The following CFAP57 variants were observed in gnomAD, a reference collection of about 807,000 sequenced individuals.
The protein encoded by CFAP57 is cilia and flagella associated protein 57, also known as cilia- and flagella-associated protein 57.
In CFAP57, 116 loss-of-function variants were observed where a neutral mutation model predicts 146.8. That is an observed-to-expected ratio of 0.79 (90% CI 0.68 to 0.92). The LOEUF is 0.92. CFAP57 is among the 40% of genes least tolerant of loss of function. The pLI, the probability that CFAP57 is intolerant of heterozygous loss-of-function variation, is 0.00. For missense variants in CFAP57, 1,377 were observed against 1,527.2 expected (o/e 0.90, Z 1.64); for synonymous variants, 518 against 552.8 (o/e 0.94, Z 0.88).
At chr1:43,246,274 C>A (rs1646111712) in intron 22 of CFAP57, among the ~76,000 whole-genome samples, 1 of 152,136 alleles carries the variant, frequency 6.6e-6, no homozygotes, top group Admixed American at 6.5e-5. Context: ...GATTTCACAA[C>A]CTGCAACAAA....
chr1:43,193,627 GCTAC>G (rs1295455665), intron 6 of CFAP57, among the ~76,000 whole-genome samples: 7 of 151,848 alleles, frequency 4.6e-5, no homozygotes, highest in Non-Finnish European at 8.8e-5. Context: ...TTGCCACATA[GCTAC>G]CTTCCCTTTC....
intron 22 of CFAP57, among the ~76,000 whole-genome samples, chr1:43,250,946 AC>A (rs1414882782): frequency 1.3e-5 from 2 of 152,218 alleles, no homozygotes; most frequent in Non-Finnish European, 2.9e-5. Flanking sequence ...GATGCTGCTC[AC>A]CTATCTGTGT....
At chr1:43,225,560 C>T (rs1013522935) in intron 17 of CFAP57, among the ~76,000 whole-genome samples, 1 of 152,216 alleles carries the variant, frequency 6.6e-6, no homozygotes, top group Non-Finnish European at 1.5e-5. Context: ...CATGAAGACC[C>T]TCACCTCCCT....
rs142685368 is a variant in CFAP57 at position 43,234,810 on chromosome 1, G to C, written c.3405+172G>C. ...CCTCTCCTCTGAGCTCGTCTTGGCT[G>C]TGACTGTGGCTGAGAGCTCACCTAG... On this transcript the variant is annotated intron_variant, in intron 21 of 22. Transcript: ENST00000372492. Among the ~76,000 whole-genome samples the C allele has an allele frequency of 7.3e-3, 1,114 of 152,220 alleles. 4 individuals are homozygous for C. The highest frequency in any genetic ancestry group is 0.013 in the Non-Finnish European group (885 of 67,984).
At chr1:43,231,263 G>A (rs993387971) in intron 18 of CFAP57, among the ~76,000 whole-genome samples, 3 of 152,120 alleles carry the variant, frequency 2.0e-5, no homozygotes, top group Non-Finnish European at 4.4e-5. Context: ...AGGGCCTCCT[G>A]GCACCCCCCA....
At chr1:43,194,285 G>A (rs138016420) in intron 6 of CFAP57, among the ~76,000 whole-genome samples, 271 of 151,818 alleles carry the variant, frequency 1.8e-3, no homozygotes, top group Admixed American at 3.9e-3. Context: ...TCTGGCTTCC[G>A]TTGTTGTTGC....
At chr1:43,244,830 G>A (rs1646052890) in intron 22 of CFAP57, among the ~76,000 whole-genome samples, 1 of 151,940 alleles carries the variant, frequency 6.6e-6, no homozygotes, top group African/African-American at 2.4e-5. Flanking sequence ...TTGAACCTGG[G>A]AGGCAGAGGT....
chr1:43,223,971 T>C, intron 16 of CFAP57, 75 bp from the exon 17 acceptor site: 1 of 1,513,638 alleles, frequency 6.6e-7, no homozygotes, highest in Non-Finnish European at 8.9e-7. Flanking sequence ...GGGAGCCCCT[T>C]ACACTGAGAC....
chr1:43,179,340 G>A (rs6667968), intron 2 of CFAP57, among the ~76,000 whole-genome samples: 8,349 of 152,216 alleles, frequency 0.055, 314 homozygotes, highest in African/African-American at 0.094. Flanking sequence ...GAGGAGAGGC[G>A]AGGCATCAGC....
intron 9 of CFAP57, among the ~76,000 whole-genome samples, chr1:43,205,248 C>T (rs1479906826): frequency 6.9e-6 from 1 of 145,490 alleles, no homozygotes; most frequent in Admixed American, 7.0e-5. Context: ...TAATCACTTT[C>T]CACCAAGATC....
rs1644113912 is a variant in CFAP57 at position 43,201,338 on chromosome 1, A to G, written c.1542+1835A>G. On this transcript the variant is annotated intron_variant, in intron 9 of 22. Coordinates refer to ENST00000372492, the MANE Select transcript of CFAP57 (RefSeq NM_001378189.1). The surrounding 1 kb of genome is among the most constrained non-coding windows in gnomAD (Gnocchi z 4.4). ...CTCAAAGAAGCCAAGGAACTAAACA[A>G]TTTCTGAAAGGTTGAAGTGGTCAGT... Among the ~76,000 whole-genome samples, 2 of 152,220 alleles carry G rather than the reference A, an allele frequency of 1.3e-5. No homozygotes were observed. The highest frequency in any genetic ancestry group is 6.5e-5 in the Admixed American group (1 of 15,280).
chr1:43,220,243 A>C (rs976105604), intron 13 of CFAP57, among the ~76,000 whole-genome samples: 4 of 152,252 alleles, frequency 2.6e-5, no homozygotes, highest in African/African-American at 9.6e-5. Flanking sequence ...TTTTAAAACA[A>C]AATGAAACGA....
At chr1:43,216,056 T>C (rs1644820640) in intron 12 of CFAP57, among the ~76,000 whole-genome samples, 1 of 152,214 alleles carries the variant, frequency 6.6e-6, no homozygotes, top group South Asian at 2.1e-4. Flanking sequence ...AGCTCTGTGT[T>C]ACGCTTCCTA....
intron 22 of CFAP57, among the ~76,000 whole-genome samples, chr1:43,250,915 T>C (rs574971233): frequency 6.6e-6 from 1 of 152,298 alleles, no homozygotes; most frequent in South Asian, 2.1e-4. Flanking sequence ...CCTTTAAAAT[T>C]TTCCCAAATT....
chr1:43,230,647 T>C (rs1382100464), intron 18 of CFAP57, among the ~76,000 whole-genome samples: 4 of 152,186 alleles, frequency 2.6e-5, no homozygotes, highest in Admixed American at 6.5e-5. Flanking sequence ...GTGTGCAGGC[T>C]GTTCTGTCTG....
At chr1:43,228,465 A>G (rs1202000442) in intron 18 of CFAP57, among the ~76,000 whole-genome samples, 2 of 128,338 alleles carry the variant, frequency 1.6e-5, no homozygotes, top group Admixed American at 7.1e-5. Flanking sequence ...GGTGTCAGAC[A>G]GCACTGATGA....
chr1:43,245,081 G>A (rs1188184212), intron 22 of CFAP57, among the ~76,000 whole-genome samples: 5 of 152,152 alleles, frequency 3.3e-5, no homozygotes, highest in African/African-American at 9.7e-5. Context: ...AGGCCAAGGC[G>A]AGCGGAACGC....
At chr1:43,233,451 C>T (rs1048643898) in intron 19 of CFAP57, among the ~76,000 whole-genome samples, 1 of 151,434 alleles carries the variant, frequency 6.6e-6, no homozygotes, top group Non-Finnish European at 1.5e-5. Context: ...ATTGCAACAC[C>T]GCACTCCAGC....
chr1:43,187,473 TAAC>T lies in CFAP57; in HGVS notation c.1122+618_1122+620del, dbSNP rs1045178919. On this transcript the variant is annotated intron_variant, in intron 6 of 22. Coordinates refer to ENST00000372492, the MANE Select transcript of CFAP57 (RefSeq NM_001378189.1). ...TTCTCAGTAATGGTCCTTTTTTTAA[TAAC>T]AACTTAATTGAGTTATGATTCACAT... Among the ~76,000 whole-genome samples, 177 of 152,180 alleles carry T rather than the reference TAAC, an allele frequency of 1.2e-3. 2 individuals are homozygous for T. Among genetic ancestry groups the T allele is most frequent in the African/African-American group, 4.1e-3 (170 of 41,504 alleles).
Sources: allele counts gnomAD v4.1 joint callset (sites outside exome capture counted in the v4.1 genomes callset), GRCh38; gene constraint gnomAD v4.1.1; non-coding constraint Gnocchi (gnomAD v3.1); transcripts MANE v1.5; gene names NCBI Gene and HGNC (gene_info 2026-07-23, HGNC 2026-07-21).